The following GSG1L variants were observed in gnomAD, a reference collection of about 807,000 sequenced individuals.
The protein encoded by GSG1L is germ cell-specific gene 1-like protein.
Under a neutral mutation model 42.1 loss-of-function variants are expected in GSG1L, and 24 were observed. That is an observed-to-expected ratio of 0.57 (90% CI 0.41 to 0.80). The LOEUF (loss-of-function observed/expected upper bound fraction) is 0.80, where lower values mean the gene tolerates loss of function less well. GSG1L is among the 30% of genes least tolerant of loss of function. The probability of loss-of-function intolerance (pLI) is 0.00; values close to 1 mark genes in which losing one functional copy is unlikely to be tolerated. For synonymous variants in GSG1L, 215 were observed against 203.5 expected (o/e 1.06, Z -0.48); for missense variants, 445 against 472.2 (o/e 0.94, Z 0.53).
rs200656478 is a variant in GSG1L, at chr16:27,928,503, G to GAAAGA, written c.397+34648_397+34652dup. Among the ~76,000 whole-genome samples, 1,226 of 150,444 alleles carry GAAAGA rather than the reference G, an allele frequency of 8.1e-3. 25 individuals are homozygous for GAAAGA. The highest frequency in any genetic ancestry group is 0.028 in the African/African-American group (1,149 of 40,696). On this transcript the variant is annotated intron_variant, in intron 2 of 6. Transcript: ENST00000447459. ...AAGGAAAACAAAGTTCTTGTGAGTG[G>GAAAGA]AAAGAAAAGAAAAGAAAACAAAACA...
At chr16:27,939,632 G>A (rs1000721021) in intron 2 of GSG1L, among the ~76,000 whole-genome samples, 22 of 152,120 alleles carry the variant, frequency 1.4e-4, no homozygotes, top group African/African-American at 5.1e-4. Flanking sequence ...AAAAGCCACG[G>A]TTTTCACTGT....
intron 3 of GSG1L, among the ~76,000 whole-genome samples, chr16:27,845,803 T>A (rs1001170479): frequency 1.3e-5 from 2 of 152,242 alleles, no homozygotes; most frequent in African/African-American, 4.8e-5. Flanking sequence ...TTTCTTTTTG[T>A]TTTTAAAAAT....
Position 27,939,470 on chromosome 16 carries a change from T to C in GSG1L, c.397+23686A>G, listed in dbSNP as rs191773615. On this transcript the variant is annotated intron_variant, in intron 2 of 6. Coordinates refer to ENST00000447459, the MANE Select transcript of GSG1L (RefSeq NM_001109763.2). ...CTACAGTGGGATGAACCTTGAGACC[T>C]GAACTGAGCTTTTCCCATGCCCTTC... Among the ~76,000 whole-genome samples, 231 of 152,250 alleles carry C rather than the reference T, an allele frequency of 1.5e-3. 2 individuals carry two copies. Among genetic ancestry groups the C allele is most frequent in the Non-Finnish European group, 3.2e-4 (22 of 68,028 alleles).
chr16:27,895,037 A>G (rs2084175110), intron 2 of GSG1L, among the ~76,000 whole-genome samples: 1 of 152,124 alleles, frequency 6.6e-6, no homozygotes, highest in Non-Finnish European at 1.5e-5. Context: ...AAACCTCGGG[A>G]AGGTCCCTTT....
intron 1 of GSG1L, among the ~76,000 whole-genome samples, chr16:28,010,264 G>A (rs1784368473): frequency 6.6e-6 from 1 of 152,200 alleles, no homozygotes; most frequent in Admixed American, 6.5e-5. Flanking sequence ...GGAAACCCAA[G>A]AAGGGGCAGC....
chr16:27,856,576 T>G (rs1229145696), intron 3 of GSG1L, among the ~76,000 whole-genome samples: 2 of 152,240 alleles, frequency 1.3e-5, no homozygotes, highest in Admixed American at 6.5e-5. Flanking sequence ...CCTCTCAAAG[T>G]GCTGGGATTA....
At chr16:28,034,579 T>C (rs949085112) in intron 1 of GSG1L, among the ~76,000 whole-genome samples, 2 of 152,114 alleles carry the variant, frequency 1.3e-5, no homozygotes, top group Admixed American at 6.6e-5. Context: ...TTCTCAGAGG[T>C]CTGCATCCTT....
At chr16:27,835,552 C>T (rs1322316350) in intron 4 of GSG1L, among the ~76,000 whole-genome samples, 1 of 151,862 alleles carries the variant, frequency 6.6e-6, no homozygotes, top group Non-Finnish European at 1.5e-5. Context: ...TTTGTTCTTT[C>T]CTGCTTGTTC....
At chr16:27,940,619 C>T (rs537994845) in intron 2 of GSG1L, among the ~76,000 whole-genome samples, 1,233 of 101,168 alleles carry the variant, frequency 0.012, 43 homozygotes, top group African/African-American at 0.041. Flanking sequence ...AACCAAACAC[C>T]GCATATTCTC....
chr16:27,905,973 A>G (rs1383187257), intron 2 of GSG1L, among the ~76,000 whole-genome samples: 1 of 152,102 alleles, frequency 6.6e-6, no homozygotes, highest in East Asian at 1.9e-4. Context: ...TTATTCTCTC[A>G]TCTGGGAGGC....
intron 2 of GSG1L, among the ~76,000 whole-genome samples, chr16:27,905,337 TTTA>T (rs1450078462): frequency 6.6e-5 from 10 of 151,542 alleles, no homozygotes; most frequent in Non-Finnish European, 8.8e-5. Flanking sequence ...TTTTTTTTTT[TTTA>T]AAGCGACAGG....
At position 27,958,425 on chromosome 16, in the gene GSG1L, A is replaced by AG. The variant is rs1188242010; in HGVS notation, c.397+4730_397+4731insC. Among the ~76,000 whole-genome samples, 9 of 151,166 alleles carry AG rather than the reference A, an allele frequency of 6.0e-5. No individual in the cohort carries two copies. In the East Asian group the frequency reaches 1.6e-3, roughly 26 times the overall value. ...GAGACTCCATCTAAAAAAAAAAAAA[A>AG]AAGAAAAGAAAACTATATCAGTCAT... On this transcript the variant is annotated intron_variant, in intron 2 of 6. Transcript: ENST00000447459.
At chr16:27,954,623 G>C (rs1385231931) in intron 2 of GSG1L, among the ~76,000 whole-genome samples, 1 of 152,106 alleles carries the variant, frequency 6.6e-6, no homozygotes, top group Non-Finnish European at 1.5e-5. Context: ...TCGTGACAGT[G>C]CGTATGGGTT....
intron 1 of GSG1L, among the ~76,000 whole-genome samples, chr16:27,982,417 G>A (rs2141126840): frequency 6.6e-6 from 1 of 152,280 alleles, no homozygotes; most frequent in Middle Eastern, 3.4e-3. Context: ...ACTAGTTCCT[G>A]CCAATATGAT....
In GSG1L at chr16:28,063,704, C is replaced by T. The variant is rs2086374450; in HGVS notation, c.-280G>A. The stretch of plus-strand genomic sequence containing the variant: ...GCGCGAGTGCACCTCGGCTAGGAGC[C>T]GCTGGCGCCTGGCAGCGGCCACGGC... On this transcript the variant is annotated 5_prime_UTR_variant, in exon 1 of 7. Coordinates refer to ENST00000447459, the MANE Select transcript of GSG1L (RefSeq NM_001109763.2). The surrounding 1 kb of genome is among the most constrained non-coding windows in gnomAD (Gnocchi z 5.8). Among the ~76,000 whole-genome samples the T allele has an allele frequency of 6.7e-6, 1 of 150,280 alleles. No homozygotes were observed. Among genetic ancestry groups the T allele is most frequent in the Admixed American group, 6.6e-5 (1 of 15,140 alleles).
At chr16:27,990,300 T>C (rs1176004830) in intron 1 of GSG1L, among the ~76,000 whole-genome samples, 2 of 152,216 alleles carry the variant, frequency 1.3e-5, no homozygotes, top group African/African-American at 4.8e-5. Context: ...TGGAGACATT[T>C]ACATTTCCCT....
At chr16:28,003,307 C>G (rs549729071) in intron 1 of GSG1L, among the ~76,000 whole-genome samples, 1 of 152,244 alleles carries the variant, frequency 6.6e-6, no homozygotes, top group Admixed American at 6.5e-5. Context: ...GAAGGATACA[C>G]GGGCATCTCG....
intron 1 of GSG1L, among the ~76,000 whole-genome samples, chr16:28,062,599 TG>T (rs1474083375): frequency 6.6e-6 from 1 of 152,118 alleles, no homozygotes; most frequent in African/African-American, 2.4e-5. Flanking sequence ...CCCGGGTCTG[TG>T]GATCTGCGGC....
At chr16:28,013,219 C>T (rs75350879) in intron 1 of GSG1L, among the ~76,000 whole-genome samples, 1 of 142,042 alleles carries the variant, frequency 7.0e-6, no homozygotes, top group Non-Finnish European at 1.5e-5. Flanking sequence ...AACTCTGACT[C>T]AAAAAAAAAA....
Sources: gnomAD v4.1 joint callset for allele counts (sites outside exome capture counted in the v4.1 genomes callset) on GRCh38, gnomAD v4.1.1 for gene constraint, Gnocchi (gnomAD v3.1) non-coding constraint, MANE v1.5 for transcripts, NCBI Gene and HGNC (gene_info 2026-07-23, HGNC 2026-07-21) for gene names.